The following NDC1 variants were observed in gnomAD, a reference collection of about 807,000 sequenced individuals.
The protein encoded by NDC1 is NDC1 transmembrane nucleoporin, also known as nucleoporin NDC1.
NDC1 carries 24 observed loss-of-function variants against 89.8 expected under a neutral mutation model. That is an observed-to-expected ratio of 0.27 (90% CI 0.19 to 0.38). The LOEUF is 0.38. NDC1 is among the 10% of genes least tolerant of loss of function. The pLI is 1.00. For missense variants in NDC1, 728 were observed against 797.6 expected, an observed-to-expected ratio of 0.91 and a Z score of 1.05; for synonymous variants, 296 against 284.8, an observed-to-expected ratio of 1.04 and a Z score of -0.39.
chr1:53,811,435 G>C (rs898261886), intron 6 of NDC1, among the ~76,000 whole-genome samples: 8 of 152,148 alleles, frequency 5.3e-5, no homozygotes, highest in African/African-American at 1.9e-4. Flanking sequence ...TTGCAGGGCG[G>C]TGGGAGTGAG....
chr1:53,775,929 A>T (rs1647158947), intron 16 of NDC1, among the ~76,000 whole-genome samples: 1 of 150,904 alleles, frequency 6.6e-6, no homozygotes, highest in South Asian at 2.1e-4. Context: ...GAATATCATC[A>T]ACTGAAGGTT....
chr1:53,804,765 C>T (rs1468299758), intron 9 of NDC1, among the ~76,000 whole-genome samples: 1 of 150,354 alleles, frequency 6.7e-6, no homozygotes, highest in Admixed American at 6.7e-5. Context: ...GCATGAGCCA[C>T]CATGCCCGGC....
chr1:53,804,009 A>G lies in NDC1; in HGVS notation c.985T>C (p.Tyr329His), dbSNP rs376969911. ...LNSNPPPIIK[Y>H]LALQDLMLLS... ...AACATCAGGTCCTGCAAGGCTAAAT[A>G]CTAACAGGGGGAAAAAACACATATT... Residue 329 changes from tyrosine to histidine, a missense_variant and splice_region_variant, in exon 10 of 18, where the codon TAT becomes CAT. Physicochemically the swap from Tyr to His is moderately conservative, Grantham distance 83 (BLOSUM62 2). Coordinates refer to ENST00000371429, the MANE Select transcript of NDC1 (RefSeq NM_018087.5). 7 of 1,610,882 alleles carry G rather than the reference A, an allele frequency of 4.3e-6. No homozygotes were observed. The African/African-American group carries it at 6.7e-5, about 15-fold the overall frequency.
intron 6 of NDC1, among the ~76,000 whole-genome samples, chr1:53,810,240 C>A (rs765366964): frequency 6.6e-6 from 1 of 152,140 alleles, no homozygotes; most frequent in Non-Finnish European, 1.5e-5. Context: ...CCAAATGATA[C>A]TTTTAAAAAA....
chr1:53,791,697 T>C (rs1018366072), intron 14 of NDC1, among the ~76,000 whole-genome samples: 3 of 152,182 alleles, frequency 2.0e-5, no homozygotes, highest in African/African-American at 7.2e-5. Context: ...CTTGCAAAAC[T>C]GGGATGAAAA....
chr1:53,836,416 T>C (rs1453584996), intron 1 of NDC1, among the ~76,000 whole-genome samples: 1 of 149,676 alleles, frequency 6.7e-6, no homozygotes, highest in Non-Finnish European at 1.5e-5. Context: ...CCAGGCATCA[T>C]TCCAGCCCGG....
chr1:53,805,203 A>G (rs186309075), intron 9 of NDC1, among the ~76,000 whole-genome samples: 1 of 152,112 alleles, frequency 6.6e-6, no homozygotes, highest in Non-Finnish European at 1.5e-5. Context: ...TTGTTTGTTT[A>G]GAGATGGGGT....
intron 11 of NDC1, 146 bp downstream of exon 11, chr1:53,800,547 G>A (rs931989435): frequency 2.0e-5 from 15 of 732,828 alleles, no homozygotes; most frequent in Admixed American, 1.0e-4. Flanking sequence ...GGATGGTCTC[G>A]ATCTCTTGAC....
intron 16 of NDC1, among the ~76,000 whole-genome samples, chr1:53,776,018 G>A (rs549292190): frequency 9.9e-4 from 148 of 148,824 alleles, no homozygotes; most frequent in African/African-American, 3.6e-3. Flanking sequence ...GCAGTGGCAC[G>A]ATCTCAGCAC....
At chr1:53,821,866 T>C (rs1367390485) in intron 5 of NDC1, among the ~76,000 whole-genome samples, 1 of 152,226 alleles carries the variant, frequency 6.6e-6, no homozygotes, top group Non-Finnish European at 1.5e-5. Context: ...ATGTAATACT[T>C]TCAACAGTCT....
intron 17 of NDC1, among the ~76,000 whole-genome samples, chr1:53,770,323 T>C (rs1008066779): frequency 5.9e-5 from 9 of 152,296 alleles, no homozygotes; most frequent in African/African-American, 2.2e-4. Flanking sequence ...TTATTTATCT[T>C]TGAGGCAGGG....
At chr1:53,802,115 T>C (rs1647941315) in intron 10 of NDC1, among the ~76,000 whole-genome samples, 1 of 152,198 alleles carries the variant, frequency 6.6e-6, no homozygotes, top group South Asian at 2.1e-4. Context: ...TTTACTTGAA[T>C]ATCTGGTAAA....
intron 10 of NDC1, 78 bp downstream of exon 10, chr1:53,803,850 C>G: frequency 8.9e-7 from 1 of 1,122,740 alleles, no homozygotes; most frequent in Admixed American, 1.7e-5. Flanking sequence ...GGATTACAGG[C>G]TTGAGCCACC....
In NDC1 at chr1:53,796,679, A is replaced by G; in HGVS notation, c.1584+10T>C. On this transcript the variant is annotated intron_variant, in intron 13 of 17. Transcript: ENST00000371429. Reference sequence around the variant, plus strand: ...ATGCAAATATAAATCCTATAACCATATCATCCTACCTGTTCACGTTTATTC... The same window carrying G: ...ATGCAAATATAAATCCTATAACCATGTCATCCTACCTGTTCACGTTTATTC... The G allele has an allele frequency of 6.5e-7, 1 of 1,537,236 alleles. No individual in the cohort carries two copies.
At chr1:53,792,082 A>G (rs1222993852) in intron 14 of NDC1, among the ~76,000 whole-genome samples, 1 of 151,608 alleles carries the variant, frequency 6.6e-6, no homozygotes, top group Non-Finnish European at 1.5e-5. Context: ...AGCTGGGACC[A>G]CAGGCGCCCA....
chr1:53,832,631 T>A (rs1649103877), intron 2 of NDC1, 40 bp from the exon 3 acceptor site: 1 of 1,033,598 alleles, frequency 9.7e-7, no homozygotes, highest in Non-Finnish European at 1.5e-6. Flanking sequence ...GGTTATTCAG[T>A]CATGTAGTCA....
intron 4 of NDC1, among the ~76,000 whole-genome samples, chr1:53,827,595 C>T (rs1261034155): frequency 6.6e-6 from 1 of 152,212 alleles, no homozygotes; most frequent in East Asian, 1.9e-4. Flanking sequence ...TCTTTCCATA[C>T]TACCCTTCCT....
Position 53,823,527 on chromosome 1 carries a change from T to C in NDC1, c.594+2271A>G, listed in dbSNP as rs1016353544. ...AGCATTGTCAACTATCAGACTTCTA[T>C]GTGCACTCTACTGCATATCTGTGGT... is the stretch of plus-strand genomic sequence containing the variant. On this transcript the variant is annotated intron_variant, in intron 5 of 17. Coordinates refer to ENST00000371429, the MANE Select transcript of NDC1 (RefSeq NM_018087.5). Among the ~76,000 whole-genome samples the C allele has an allele frequency of 7.9e-5, 12 of 152,358 alleles. 1 individual carries two copies. Among genetic ancestry groups the C allele is most frequent in the South Asian group, 2.1e-4 (1 of 4,828 alleles).
intron 6 of NDC1, 120 bp from the exon 7 acceptor site, chr1:53,809,866 T>C (rs1165661509): frequency 7.0e-6 from 5 of 710,756 alleles, no homozygotes; most frequent in Middle Eastern, 2.5e-4. Flanking sequence ...GTCAAAATGT[T>C]AGACTTATTA....
Sources: gnomAD v4.1 joint callset for allele counts (sites outside exome capture counted in the v4.1 genomes callset) on GRCh38, gnomAD v4.1.1 for gene constraint, MANE v1.5 for transcripts, NCBI Gene and HGNC (gene_info 2026-07-23, HGNC 2026-07-21) for gene names.